OR3A2: variants seen among roughly 807,000 people sequenced by gnomAD.
OR3A2 encodes olfactory receptor family 3 subfamily A member 2, also known as olfactory receptor 3A2.
For synonymous variants in OR3A2, 126 were observed against 159.3 expected (o/e 0.79, Z 1.57); for missense variants, 318 against 392.8 (o/e 0.81, Z 1.61).
intron 3 of OR3A2, among the ~76,000 whole-genome samples, chr17:3,312,720 G>C (rs1490742871): frequency 1.3e-5 from 2 of 152,178 alleles, no homozygotes; most frequent in Non-Finnish European, 2.9e-5. Context: ...TGCCTCCTGG[G>C]TTCAAGTGAT....
chr17:3,304,613 T>C (rs1453592794), intron 3 of OR3A2, among the ~76,000 whole-genome samples: 4 of 152,354 alleles, frequency 2.6e-5, no homozygotes, highest in Admixed American at 6.5e-5. Context: ...TTCATCATCA[T>C]GGCCAGAGTA....
intron 2 of OR3A2, among the ~76,000 whole-genome samples, chr17:3,383,379 C>A (rs566542568): frequency 1.3e-5 from 2 of 152,326 alleles, no homozygotes; most frequent in African/African-American, 4.8e-5. Flanking sequence ...TATTAGCATC[C>A]GTTCCCTGCT....
intron 3 of OR3A2, among the ~76,000 whole-genome samples, chr17:3,299,381 C>CGGGGGCACTG (rs941633322): frequency 6.6e-6 from 1 of 152,088 alleles, no homozygotes; most frequent in Non-Finnish European, 1.5e-5. Context: ...CCTTGTTAAT[C>CGGGGGCACTG]GGGGGCACTG....
intron 3 of OR3A2, among the ~76,000 whole-genome samples, chr17:3,293,682 C>G (rs989754394): frequency 6.6e-6 from 1 of 152,102 alleles, no homozygotes; most frequent in Non-Finnish European, 1.5e-5. Context: ...AAAACTGTTA[C>G]CTGGCAAAGA....
chr17:3,289,460 A>T (rs369646230), intron 3 of OR3A2, among the ~76,000 whole-genome samples: 84 of 152,360 alleles, frequency 5.5e-4, no homozygotes, highest in African/African-American at 1.9e-3. Context: ...CAAGGCCAAG[A>T]CCGAAATCTC....
At chr17:3,298,973 C>A (rs1479868293) in intron 3 of OR3A2, among the ~76,000 whole-genome samples, 2 of 152,182 alleles carry the variant, frequency 1.3e-5, no homozygotes. Context: ...TTAATGAACC[C>A]AATAATGATG....
intron 3 of OR3A2, among the ~76,000 whole-genome samples, chr17:3,302,344 T>C (rs148942239): frequency 5.9e-5 from 9 of 152,306 alleles, no homozygotes; most frequent in South Asian, 2.1e-4. Context: ...CTTCCAACTA[T>C]ACTACAAGGC....
chr17:3,292,261 GGAA>G (rs749925251), intron 3 of OR3A2: 14 of 1,614,050 alleles, frequency 8.7e-6, no homozygotes, highest in East Asian at 6.7e-5. Flanking sequence ...ACGAACAGAT[GGAA>G]GAAGAAGAGC....
At chr17:3,288,246 C>CAAAAAAAAAAAAAAAAAAA, upstream of OR3A2, among the ~76,000 whole-genome samples, 1 of 73,486 alleles carries the variant, frequency 1.4e-5, no homozygotes, top group Non-Finnish European at 2.8e-5. Flanking sequence ...ACCAAAAGGG[C>CAAAAAAAAAAAAAAAAAAA]AAAAAAAAAA....
intron 2 of OR3A2, among the ~76,000 whole-genome samples, chr17:3,337,757 C>A (rs532306660): frequency 5.3e-5 from 8 of 152,234 alleles, no homozygotes; most frequent in African/African-American, 1.2e-4. Flanking sequence ...GTCTTTATAG[C>A]AGCATGATTT....
intron 3 of OR3A2, among the ~76,000 whole-genome samples, chr17:3,292,835 G>A (rs1482310093): frequency 3.3e-5 from 5 of 151,860 alleles, no homozygotes; most frequent in South Asian, 2.1e-4. Context: ...CCTCCAACCC[G>A]CCCCCCAGCT....
chr17:3,380,078 C>T (rs927593234), intron 2 of OR3A2, among the ~76,000 whole-genome samples: 1 of 152,142 alleles, frequency 6.6e-6, no homozygotes, highest in African/African-American at 2.4e-5. Context: ...GGCCACTCCT[C>T]CTGCCTTTGG....
At chr17:3,288,929 A>G (rs1180258465), upstream of OR3A2, among the ~76,000 whole-genome samples, 15 of 152,212 alleles carry the variant, frequency 9.9e-5, no homozygotes, top group Admixed American at 9.8e-4. Flanking sequence ...ACTAAATTAC[A>G]TCAATGGGGT....
At chr17:3,325,657 T>C (rs533665021) in intron 3 of OR3A2, among the ~76,000 whole-genome samples, 1 of 152,256 alleles carries the variant, frequency 6.6e-6, no homozygotes, top group Non-Finnish European at 1.5e-5. Context: ...TGTAGCTTTA[T>C]TTATTTTTTC....
At chr17:3,380,463 C>T (rs1297291450) in intron 2 of OR3A2, among the ~76,000 whole-genome samples, 3 of 152,156 alleles carry the variant, frequency 2.0e-5, no homozygotes, top group African/African-American at 7.2e-5. Flanking sequence ...ATCTAGGAAT[C>T]ATTGCCAGCT....
At chr17:3,333,220 G>A (rs181067555) in intron 3 of OR3A2, among the ~76,000 whole-genome samples, 13 of 152,226 alleles carry the variant, frequency 8.5e-5, no homozygotes, top group African/African-American at 2.6e-4. Context: ...ACTGAAATAC[G>A]CCCTGGTCTC....
intron 2 of OR3A2, among the ~76,000 whole-genome samples, chr17:3,358,827 A>C (rs867927939): frequency 6.6e-6 from 1 of 151,714 alleles, no homozygotes; most frequent in Non-Finnish European, 1.5e-5. Flanking sequence ...TAGGTCCTAA[A>C]TATCATTGTT....
chr17:3,337,280 A>G (rs994161213), intron 2 of OR3A2, among the ~76,000 whole-genome samples: 9 of 147,742 alleles, frequency 6.1e-5, no homozygotes, highest in Admixed American at 4.0e-4. Context: ...GCACTTTTTA[A>G]AATTATTATT....
At position 3,303,134 on chromosome 17, in the gene OR3A2, A is replaced by T. The variant is rs1024819550; in HGVS notation, c.-84-23981T>A. The stretch of plus-strand genomic sequence containing the variant: ...CAACTGAGGAACCACAAAGAAAAAA[A>T]TGATATTATATGTCTTTCTCACGCC... On this transcript the variant is annotated intron_variant, in intron 3 of 4. Transcript: ENST00000573491. 2.6e-5 allele frequency among the ~76,000 whole-genome samples: 4 copies of T among 152,196 alleles called. No homozygotes were observed. The South Asian group carries it at 6.2e-4, about 24-fold the overall frequency.
Sources: gnomAD v4.1 joint callset for allele counts (sites outside exome capture counted in the v4.1 genomes callset) on GRCh38, gnomAD v4.1.1 for gene constraint, MANE v1.5 for transcripts, NCBI Gene and HGNC (gene_info 2026-07-23, HGNC 2026-07-21) for gene names.